RCAN2: variants seen among roughly 807,000 people sequenced by gnomAD.
The protein encoded by RCAN2 is calcipressin-2.
RCAN2 carries 9 observed loss-of-function variants against 23.6 expected under a neutral mutation model. The ratio of observed to expected loss-of-function variants is 0.38; its 90% confidence interval spans 0.23 to 0.67. The LOEUF is 0.67. Among genes scored for constraint, RCAN2 ranks in the 30% least tolerant of loss-of-function variants. The pLI, the probability that RCAN2 is intolerant of heterozygous loss-of-function variation, is 0.51. For missense variants in RCAN2, 273 were observed against 302.3 expected, an observed-to-expected ratio of 0.90 and a Z score of 0.72; for synonymous variants, 109 against 115.7, an observed-to-expected ratio of 0.94 and a Z score of 0.37.
chr6:46,408,337 AC>A (rs1310246157), intron 2 of RCAN2, among the ~76,000 whole-genome samples: 6 of 152,108 alleles, frequency 3.9e-5, no homozygotes, highest in African/African-American at 1.4e-4. Flanking sequence ...TGCAGATGGT[AC>A]CAGCTGGCGA....
chr6:46,384,972 G>A (rs563830292), intron 2 of RCAN2, among the ~76,000 whole-genome samples: 2 of 152,238 alleles, frequency 1.3e-5, no homozygotes, highest in South Asian at 4.2e-4. Flanking sequence ...AGGAGGGACT[G>A]GAATTAGGAC....
chr6:46,403,432 C>T (rs1766316170), intron 2 of RCAN2, among the ~76,000 whole-genome samples: 1 of 152,114 alleles, frequency 6.6e-6, no homozygotes, highest in South Asian at 2.1e-4. Context: ...ATTAGCTGGG[C>T]ATGGTGGCAC....
intron 2 of RCAN2, among the ~76,000 whole-genome samples, chr6:46,319,424 T>C (rs181652818): frequency 1.5e-3 from 232 of 152,334 alleles, no homozygotes; most frequent in African/African-American, 5.4e-3. Context: ...TTTTAATATA[T>C]CTGACATTTA....
At chr6:46,260,738 T>C (rs909400862) in intron 2 of RCAN2, among the ~76,000 whole-genome samples, 107 of 152,238 alleles carry the variant, frequency 7.0e-4, no homozygotes, top group African/African-American at 2.5e-3. Context: ...TGGCTGCAAG[T>C]CTCTTGCCTG....
At chr6:46,408,005 A>G (rs1766449393) in intron 2 of RCAN2, among the ~76,000 whole-genome samples, 1 of 152,194 alleles carries the variant, frequency 6.6e-6, no homozygotes, top group Admixed American at 6.5e-5. Flanking sequence ...TTTTTCAGTC[A>G]TCAGTATGTT....
chr6:46,274,158 T>G (rs933246551), intron 2 of RCAN2, among the ~76,000 whole-genome samples: 20 of 152,206 alleles, frequency 1.3e-4, no homozygotes, highest in Non-Finnish European at 2.9e-5. Flanking sequence ...GACAAGAAGG[T>G]ATTCAACCTG....
chr6:46,482,482 G>T (rs1174852764), intron 1 of RCAN2, among the ~76,000 whole-genome samples: 4 of 152,108 alleles, frequency 2.6e-5, no homozygotes, highest in African/African-American at 9.7e-5. Flanking sequence ...GTGCTGTTGT[G>T]GTCTGTTGGG....
In RCAN2 at chr6:46,248,771, A is replaced by G. The variant is rs1463061025; in HGVS notation, c.351T>C (p.Leu117=). 8.7e-6 allele frequency: 14 copies of G among 1,613,104 alleles called. No homozygotes were observed. The highest frequency in any genetic ancestry group is 1.2e-5 in the Non-Finnish European group (14 of 1,179,628). ...PKSAARARIE[L]HETQFRGKKL... is the part of the protein sequence containing the mutation. ...TTTTCCCTCTGAATTGGGTTTCATGAAGCTCTATCCTAGCTCGGGCTGCAG... is the reference window on the plus strand; with the variant it reads ...TTTTCCCTCTGAATTGGGTTTCATGGAGCTCTATCCTAGCTCGGGCTGCAG... The change falls in exon 3 of 5, where the codon CTT becomes CTC. Residue 117 remains leucine (L), a synonymous_variant. Coordinates refer to ENST00000371374, the MANE Select transcript of RCAN2 (RefSeq NM_001251974.2).
chr6:46,225,910 T>C lies in RCAN2; in HGVS notation c.572-2609A>G, dbSNP rs553565495. 7.2e-5 allele frequency among the ~76,000 whole-genome samples: 11 copies of C among 152,370 alleles called. No homozygotes were observed. In the South Asian group the frequency reaches 2.3e-3, roughly 32 times the overall value. ...CCTAGGTTTTCTTCTAGGGTTTTTA[T>C]GGTTTTAGGTCTAACATTTAAGTCT... On this transcript the variant is annotated intron_variant, in intron 4 of 4. Coordinates refer to ENST00000371374, the MANE Select transcript of RCAN2 (RefSeq NM_001251974.2).
chr6:46,454,132 C>A (rs992271479), intron 2 of RCAN2, among the ~76,000 whole-genome samples: 5 of 152,208 alleles, frequency 3.3e-5, no homozygotes, highest in African/African-American at 1.2e-4. Context: ...TATCACAGTG[C>A]CTAAAATGTC....
At chr6:46,266,426 C>T (rs566146525) in intron 2 of RCAN2, among the ~76,000 whole-genome samples, 55 of 152,258 alleles carry the variant, frequency 3.6e-4, no homozygotes, top group Admixed American at 1.0e-3. Context: ...AAAGAGGGAA[C>T]ACATTGGGTA....
intron 2 of RCAN2, among the ~76,000 whole-genome samples, chr6:46,397,394 C>T (rs1351498512): frequency 2.0e-5 from 3 of 151,708 alleles, no homozygotes; most frequent in African/African-American, 7.3e-5. Flanking sequence ...CACACACACA[C>T]ACACACACAC....
At chr6:46,334,004 T>C (rs545611298) in intron 2 of RCAN2, among the ~76,000 whole-genome samples, 31 of 152,344 alleles carry the variant, frequency 2.0e-4, no homozygotes, top group African/African-American at 6.5e-4. Context: ...GTCCATCACA[T>C]GCAAAAACAC....
intron 2 of RCAN2, among the ~76,000 whole-genome samples, chr6:46,394,955 C>A (rs1350229726): frequency 2.6e-5 from 4 of 152,048 alleles, no homozygotes; most frequent in African/African-American, 7.2e-5. Flanking sequence ...AAGAAAAAAA[C>A]CCATGAATCC....
chr6:46,316,119 G>C (rs557276088), intron 2 of RCAN2, among the ~76,000 whole-genome samples: 55 of 152,282 alleles, frequency 3.6e-4, no homozygotes, highest in Non-Finnish European at 6.6e-4. Context: ...GTTGAAAACT[G>C]CAGGGGAAGA....
intron 2 of RCAN2, among the ~76,000 whole-genome samples, chr6:46,354,213 G>C (rs1257333745): frequency 3.5e-4 from 20 of 57,886 alleles, no homozygotes; most frequent in Admixed American, 1.9e-3. Context: ...TACTGTGTGT[G>C]TGTGTGTGTG....
At chr6:46,398,310 G>A (rs1490648455) in intron 2 of RCAN2, among the ~76,000 whole-genome samples, 2 of 152,096 alleles carry the variant, frequency 1.3e-5, no homozygotes, top group Admixed American at 1.3e-4. Context: ...TGTAATAAAT[G>A]TAAGACGAAA....
At chr6:46,274,091 C>G (rs974798067) in intron 2 of RCAN2, among the ~76,000 whole-genome samples, 5 of 152,188 alleles carry the variant, frequency 3.3e-5, no homozygotes, top group African/African-American at 1.2e-4. Context: ...TACTTTCCAG[C>G]AGCATTTTGG....
At chr6:46,447,269 GATA>G (rs779949251) in intron 2 of RCAN2, among the ~76,000 whole-genome samples, 58 of 152,008 alleles carry the variant, frequency 3.8e-4, no homozygotes, top group Non-Finnish European at 7.1e-4. Flanking sequence ...TGATTAATTT[GATA>G]ATAACGGTTG....
Sources: gnomAD v4.1 joint callset for allele counts (sites outside exome capture counted in the v4.1 genomes callset) on GRCh38, gnomAD v4.1.1 for gene constraint, MANE v1.5 for transcripts, NCBI Gene and HGNC (gene_info 2026-07-23, HGNC 2026-07-21) for gene names.